The following GOSR2 variants were observed in gnomAD, a reference collection of about 807,000 sequenced individuals.
The protein encoded by GOSR2 is 27 kDa Golgi SNARE protein.
Under a neutral mutation model 27.9 loss-of-function variants are expected in GOSR2, and 20 were observed. That is an observed-to-expected ratio of 0.72 (90% CI 0.50 to 1.04). The LOEUF (loss-of-function observed/expected upper bound fraction) is 1.04. GOSR2 is among the 50% of genes least tolerant of loss of function. GOSR2 has a pLI of 0.00. For missense variants in GOSR2, 261 were observed against 270.5 expected, an observed-to-expected ratio of 0.97 and a Z score of 0.25; for synonymous variants, 91 against 98.8, an observed-to-expected ratio of 0.92 and a Z score of 0.47.
Position 46,939,457 on chromosome 17 carries a change from G to C in GOSR2, c.*697G>C. 7.1e-6 allele frequency: 7 copies of C among 987,042 alleles called. No individual in the cohort carries two copies. The highest frequency in any genetic ancestry group is 8.4e-6 in the Non-Finnish European group (7 of 830,898). The allele number at this position is 987,042 out of a possible 1,614,324, so 61.1% of individuals were successfully genotyped here. Reference sequence around the variant, plus strand: ...CCGGGAGTGTTCAGTCTTGACCCTAGTCACTGATTTTTTCTAGTTGTTAAT... The same window carrying C: ...CCGGGAGTGTTCAGTCTTGACCCTACTCACTGATTTTTTCTAGTTGTTAAT... On this transcript the variant is annotated 3_prime_UTR_variant, in exon 6 of 6. Transcript: ENST00000640051.
chr17:46,941,980 A>T lies in GOSR2; in HGVS notation c.*3220A>T. The T allele has an allele frequency of 1.0e-6, 1 of 983,736 alleles. No homozygotes were observed. Among genetic ancestry groups the T allele is most frequent in the Non-Finnish European group, 1.2e-6 (1 of 828,448 alleles). 60.9% of individuals were successfully genotyped at this position (983,736 alleles called of 1,614,324 possible). A position where few individuals can be genotyped will look rare whatever the true frequency, so the allele number is the denominator to read the frequency against. Reference sequence around the variant, plus strand: ...TGATCACATTGGTGTAAAGAGCAAAACTTGTTAAGTCCAAAATAAATTCTT... The same window carrying T: ...TGATCACATTGGTGTAAAGAGCAAATCTTGTTAAGTCCAAAATAAATTCTT... On this transcript the variant is annotated 3_prime_UTR_variant, in exon 6 of 6. Transcript: ENST00000640051.
At chr17:46,929,267 G>C (rs1320386107) in intron 1 of GOSR2, among the ~76,000 whole-genome samples, 3 of 152,140 alleles carry the variant, frequency 2.0e-5, no homozygotes, top group Non-Finnish European at 2.9e-5. Context: ...TTTCCTCATA[G>C]GGTTATTGAT....
At chr17:46,963,688 T>C (rs994125515) in intron 6 of GOSR2, 2 of 152,238 alleles carry the variant, frequency 1.3e-5, no homozygotes, top group Non-Finnish European at 2.9e-5. Context: ...TGCCTGTCTT[T>C]TCTTCCAGAC....
chr17:46,929,473 T>G (rs1191504795), intron 1 of GOSR2, 47 bp from the exon 2 acceptor site: 2 of 941,500 alleles, frequency 2.1e-6, no homozygotes, highest in Middle Eastern at 2.1e-4. Context: ...ACTGAAGCGC[T>G]GTTGATTACT....
rs2085950798 is a variant in GOSR2 at position 46,923,207 on chromosome 17, C to T, written c.15C>T (p.Phe5=). 3 of 1,549,476 alleles carry T rather than the reference C, an allele frequency of 1.9e-6. No individual in the cohort carries two copies. The highest frequency in any genetic ancestry group is 1.4e-5 in the African/African-American group (1 of 73,034). Residue 5 remains phenylalanine, a synonymous_variant, in exon 1 of 6, where the codon TTC becomes TTT. Transcript: ENST00000640051. The stretch of plus-strand genomic sequence containing the variant: ...GGGCCGGCGACATGGATCCCCTGTT[C>T]CAGCAAACGCACAAGTGAGGGCCGG... MDPL[F]QQTHKQVHEI...
In GOSR2 at chr17:46,941,242, G is replaced by A. The variant is rs374027388; in HGVS notation, c.*2482G>A. ...GTCTTGATTTTTTAGACTTCACTGC[G>A]GAGTTCTGTACACCCTTTGCCCTGA... On this transcript the variant is annotated 3_prime_UTR_variant, in exon 6 of 6. Coordinates refer to ENST00000640051, the MANE Select transcript of GOSR2 (RefSeq NM_004287.5). 20 of 994,964 alleles carry A rather than the reference G, an allele frequency of 2.0e-5. No individual in the cohort carries two copies. The Admixed American group carries it at 5.8e-4, about 29-fold the overall frequency. 61.6% of individuals were successfully genotyped at this position (994,964 alleles called of 1,614,324 possible).
At chr17:46,948,259 A>G (rs1166284004) in intron 6 of GOSR2, among the ~76,000 whole-genome samples, 2 of 152,212 alleles carry the variant, frequency 1.3e-5, no homozygotes, top group Non-Finnish European at 1.5e-5. Flanking sequence ...GCCAGTGCAT[A>G]CTGCCATGCC....
In GOSR2 at chr17:46,940,336, T is replaced by A; in HGVS notation, c.*1576T>A. ...CAAGGAAGGAGCAATCTGTGACTCC[T>A]AAAATGGGTTGGGGCCCTGCCAGAG... is the stretch of plus-strand genomic sequence containing the variant. On this transcript the variant is annotated 3_prime_UTR_variant, in exon 6 of 6. Transcript: ENST00000640051. The A allele has an allele frequency of 6.8e-7, 1 of 1,464,050 alleles. No individual in the cohort carries two copies. 90.7% of individuals were successfully genotyped at this position (1,464,050 alleles called of 1,614,324 possible).
At position 46,932,157 on chromosome 17, in the gene GOSR2, G is replaced by C; in HGVS notation, c.294G>C (p.Glu98Asp). 1 of 1,614,178 alleles carries C rather than the reference G, an allele frequency of 6.2e-7. No individual in the cohort carries two copies. The highest frequency in any genetic ancestry group is 1.3e-5 in the African/African-American group (1 of 75,036). The change falls in exon 4 of 6, where the codon GAG becomes GAC. Residue 98 changes from glutamate (E) to aspartate (D), a missense_variant. Coordinates refer to ENST00000640051, the MANE Select transcript of GOSR2 (RefSeq NM_004287.5). ...GGCGCCATGCAAGGGAGCAGCAGGA[G>C]AGACAGCGAGAAGAGCTTCTGTCTC... ...QHRRHAREQQ[E>D]RQREELLSRT...
intron 6 of GOSR2, among the ~76,000 whole-genome samples, chr17:46,966,042 A>G (rs1412944869): frequency 6.6e-6 from 1 of 152,130 alleles, no homozygotes; most frequent in African/African-American, 2.4e-5. Flanking sequence ...TAATGTCTAT[A>G]AATAACCATC....
chr17:46,961,733 G>A (rs1185208409), intron 6 of GOSR2, among the ~76,000 whole-genome samples: 1 of 152,146 alleles, frequency 6.6e-6, no homozygotes, highest in Non-Finnish European at 1.5e-5. Context: ...CAAGCAATGA[G>A]TTGAAGAAGA....
chr17:46,953,132 G>T (rs892959617), intron 6 of GOSR2, among the ~76,000 whole-genome samples: 2 of 151,620 alleles, frequency 1.3e-5, no homozygotes, highest in African/African-American at 2.4e-5. Flanking sequence ...GTGCCATGTT[G>T]GTGTGCTGCA....
chr17:46,960,082 AC>A (rs777427760), intron 6 of GOSR2, among the ~76,000 whole-genome samples: 1 of 152,244 alleles, frequency 6.6e-6, no homozygotes, highest in Non-Finnish European at 1.5e-5. Context: ...TTGATGGGCA[AC>A]CAGAATGCCA....
chr17:46,936,391 C>A (rs1335436273), intron 5 of GOSR2: 2 of 985,232 alleles, frequency 2.0e-6, no homozygotes, highest in African/African-American at 3.5e-5. Flanking sequence ...ATCAGCACAC[C>A]TCTTGCCACC....
chr17:46,934,818 G>C (rs1430505840), intron 4 of GOSR2, among the ~76,000 whole-genome samples: 1 of 152,194 alleles, frequency 6.6e-6, no homozygotes, highest in Non-Finnish European at 1.5e-5. Context: ...AACTCATTTG[G>C]AGAGTGACAG....
In GOSR2 at chr17:46,939,659, T is replaced by C. The variant is rs2088982131; in HGVS notation, c.*899T>C. 7 of 985,736 alleles carry C rather than the reference T, an allele frequency of 7.1e-6. No individual in the cohort carries two copies. Among genetic ancestry groups the C allele is most frequent in the Non-Finnish European group, 8.4e-6 (7 of 830,160 alleles). The allele number at this position is 985,736 out of a possible 1,614,324, so 61.1% of individuals were successfully genotyped here. A position where few individuals can be genotyped will look rare whatever the true frequency, so the allele number is the denominator to read the frequency against. On this transcript the variant is annotated 3_prime_UTR_variant, in exon 6 of 6. Transcript: ENST00000640051. ...GTTCCCTTCTCTTCCCTGAAATATA[T>C]TAGCACCTGCCAGCCAGGCCCTCAT...
intron 4 of GOSR2, among the ~76,000 whole-genome samples, chr17:46,934,790 A>G (rs2087999700): frequency 6.6e-6 from 1 of 152,198 alleles, no homozygotes; most frequent in Non-Finnish European, 1.5e-5. Context: ...GTTGGAATGA[A>G]CGATACTTGT....
intron 6 of GOSR2, among the ~76,000 whole-genome samples, chr17:46,958,701 G>C (rs1406190181): frequency 6.6e-6 from 1 of 152,230 alleles, no homozygotes; most frequent in Non-Finnish European, 1.5e-5. Context: ...AGCCTCCAGA[G>C]GTCCTCACAG....
chr17:46,932,242 T>C, intron 4 of GOSR2, 43 bp downstream of exon 4: 1 of 1,611,726 alleles, frequency 6.2e-7, no homozygotes, highest in Non-Finnish European at 8.5e-7. Context: ...ACTTGACAGA[T>C]CGTGGGGGCT....
Sources: allele counts gnomAD v4.1 joint callset (sites outside exome capture counted in the v4.1 genomes callset), GRCh38; gene constraint gnomAD v4.1.1; transcripts MANE v1.5; gene names NCBI Gene and HGNC (gene_info 2026-07-23, HGNC 2026-07-21).